Variants in PRKD1 observed in about 807,000 individuals in gnomAD.
PRKD1 encodes serine/threonine-protein kinase D1.
Under a neutral mutation model 95.9 loss-of-function variants are expected in PRKD1, and 63 were observed. The observed-to-expected ratio is 0.66, with a 90% CI of 0.54 to 0.81. The LOEUF is 0.81. Among genes scored for constraint, PRKD1 ranks in the 30% least tolerant of loss-of-function variants. The pLI, the probability that PRKD1 is intolerant of heterozygous loss-of-function variation, is 0.00. For missense variants in PRKD1, 1,048 were observed against 1,165.3 expected (o/e 0.90, Z 1.47); for synonymous variants, 425 against 423.1 (o/e 1.00, Z -0.05).
chr14:29,691,083 A>T (rs1006268018), intron 2 of PRKD1, among the ~76,000 whole-genome samples: 1 of 152,216 alleles, frequency 6.6e-6, no homozygotes, highest in Non-Finnish European at 1.5e-5. Flanking sequence ...CACACTTGTA[A>T]CATGAATAAA....
intron 1 of PRKD1, among the ~76,000 whole-genome samples, chr14:29,796,012 C>T (rs1889799570): frequency 6.6e-6 from 1 of 152,096 alleles, no homozygotes; most frequent in Non-Finnish European, 1.5e-5. Flanking sequence ...CTATACTCTT[C>T]TTTCATCTAT....
chr14:29,820,338 C>T (rs1010447616), intron 1 of PRKD1, among the ~76,000 whole-genome samples: 2 of 152,166 alleles, frequency 1.3e-5, no homozygotes, highest in African/African-American at 2.4e-5. Context: ...CAGAAAAAAG[C>T]ACATACATTC....
intron 2 of PRKD1, among the ~76,000 whole-genome samples, chr14:29,676,183 G>GTTTTTT (rs34953735): frequency 4.3e-3 from 289 of 67,098 alleles, no homozygotes; most frequent in Non-Finnish European, 6.0e-3. Context: ...TTACGTTTTT[G>GTTTTTT]TTTTTTTTTT....
In PRKD1 at chr14:29,851,494, C is replaced by A. The variant is rs543082279; in HGVS notation, c.264+75755G>T. The stretch of plus-strand genomic sequence containing the variant: ...TGAAAAAATGCTCACCATCGCTAAT[C>A]ATCAGAAAAATTCAAATCAAAAACC... On this transcript the variant is annotated intron_variant, in intron 1 of 17. Transcript: ENST00000331968. Among the ~76,000 whole-genome samples, 43 of 152,206 alleles carry A rather than the reference C, an allele frequency of 2.8e-4. No individual in the cohort carries two copies. The South Asian group carries it at 8.9e-3, about 32-fold the overall frequency.
intron 1 of PRKD1, among the ~76,000 whole-genome samples, chr14:29,912,714 A>T (rs188688192): frequency 1.3e-5 from 2 of 152,368 alleles, no homozygotes; most frequent in Admixed American, 1.3e-4. Context: ...ATCTGTATAT[A>T]GTGTTCCTCC....
At chr14:29,637,985 A>T (rs1222643278) in intron 6 of PRKD1, among the ~76,000 whole-genome samples, 1 of 152,208 alleles carries the variant, frequency 6.6e-6, no homozygotes, top group Non-Finnish European at 1.5e-5. Context: ...CTCTTTGCTT[A>T]AGATATGGCA....
chr14:29,747,441 C>A (rs1475058550), intron 1 of PRKD1, among the ~76,000 whole-genome samples: 1 of 152,104 alleles, frequency 6.6e-6, no homozygotes, highest in Non-Finnish European at 1.5e-5. Context: ...AGCAACTCCA[C>A]TCCTAGGTAT....
intron 2 of PRKD1, among the ~76,000 whole-genome samples, chr14:29,694,753 GAGA>G (rs1179232952): frequency 6.6e-6 from 1 of 152,188 alleles, no homozygotes; most frequent in Non-Finnish European, 1.5e-5. Flanking sequence ...AGGACTCACT[GAGA>G]AGGTGCCACT....
intron 1 of PRKD1, among the ~76,000 whole-genome samples, chr14:29,786,223 G>A (rs1889267681): frequency 1.3e-5 from 2 of 152,184 alleles, no homozygotes; most frequent in African/African-American, 4.8e-5. Context: ...TCTTATTGAT[G>A]TGCTGTTGGA....
At chr14:29,671,839 T>C (rs1594414024) in intron 2 of PRKD1, among the ~76,000 whole-genome samples, 2 of 152,074 alleles carry the variant, frequency 1.3e-5, no homozygotes, top group South Asian at 4.1e-4. Context: ...CTAATAAGAA[T>C]AGAAAAAAGT....
chr14:29,639,406 T>C (rs45572938), intron 4 of PRKD1, among the ~76,000 whole-genome samples: 3 of 151,976 alleles, frequency 2.0e-5, no homozygotes, highest in Non-Finnish European at 4.4e-5. Flanking sequence ...GATCATTTGG[T>C]GTCAGGAGTT....
chr14:29,858,943 C>G (rs1892606709), intron 1 of PRKD1, among the ~76,000 whole-genome samples: 1 of 152,088 alleles, frequency 6.6e-6, no homozygotes, highest in African/African-American at 2.4e-5. Flanking sequence ...TATTACAAGT[C>G]TCCTCTATTT....
intron 1 of PRKD1, among the ~76,000 whole-genome samples, chr14:29,838,432 T>C (rs752772388): frequency 1.3e-5 from 2 of 152,176 alleles, no homozygotes; most frequent in African/African-American, 2.4e-5. Flanking sequence ...TGAGGCCCCC[T>C]GTATAATCCT....
chr14:29,916,703 G>C (rs1894901768), intron 1 of PRKD1, among the ~76,000 whole-genome samples: 1 of 152,154 alleles, frequency 6.6e-6, no homozygotes, highest in African/African-American at 2.4e-5. Flanking sequence ...GATGCTAAAT[G>C]CAAAGATGAT....
At chr14:29,700,253 C>G (rs1445862272) in intron 2 of PRKD1, among the ~76,000 whole-genome samples, 1 of 152,084 alleles carries the variant, frequency 6.6e-6, no homozygotes, top group Non-Finnish European at 1.5e-5. Context: ...TTTCAATTAT[C>G]AATATCACCT....
intron 16 of PRKD1, among the ~76,000 whole-genome samples, chr14:29,594,703 T>C (rs1893240457): frequency 6.6e-6 from 1 of 152,144 alleles, no homozygotes; most frequent in Non-Finnish European, 1.5e-5. Context: ...GTTTAAAGTA[T>C]CCTAGACTAA....
At chr14:29,688,509 C>A (rs879882776) in intron 2 of PRKD1, among the ~76,000 whole-genome samples, 10 of 152,076 alleles carry the variant, frequency 6.6e-5, no homozygotes, top group Non-Finnish European at 1.5e-4. Context: ...TAGTTATAGG[C>A]AGTGGCAAAA....
intron 1 of PRKD1, among the ~76,000 whole-genome samples, chr14:29,728,093 T>C (rs1886251451): frequency 6.6e-6 from 1 of 152,108 alleles, no homozygotes; most frequent in Admixed American, 6.5e-5. Context: ...CGCACCAGCA[T>C]GTCACATGTA....
At chr14:29,628,542 G>T (rs982544310) in intron 11 of PRKD1, among the ~76,000 whole-genome samples, 2 of 152,162 alleles carry the variant, frequency 1.3e-5, no homozygotes, top group Non-Finnish European at 2.9e-5. Context: ...GCTAAAATGA[G>T]AACCCGTAAG....
Sources: allele counts gnomAD v4.1 joint callset (sites outside exome capture counted in the v4.1 genomes callset), GRCh38; gene constraint gnomAD v4.1.1; transcripts MANE v1.5; gene names NCBI Gene and HGNC (gene_info 2026-07-23, HGNC 2026-07-21).